The following CNTN4 variants were observed in gnomAD, a reference collection of about 807,000 sequenced individuals.
CNTN4 encodes the protein contactin 4.
A neutral mutation model predicts 122.5 loss-of-function variants in CNTN4; 77 were observed. The observed-to-expected ratio is 0.63, with a 90% CI of 0.52 to 0.76. The LOEUF (loss-of-function observed/expected upper bound fraction) is 0.76. Among genes scored for constraint, CNTN4 ranks in the 30% least tolerant of loss-of-function variants. The probability of loss-of-function intolerance (pLI) is 0.00; values close to 1 mark genes in which losing one functional copy is unlikely to be tolerated. For synonymous variants in CNTN4, 512 were observed against 447.0 expected (o/e 1.15, Z -1.83); for missense variants, 1,256 against 1,259.1 (o/e 1.00, Z 0.04).
intron 3 of CNTN4, among the ~76,000 whole-genome samples, chr3:2,364,709 CA>C (rs2045304329): frequency 6.6e-6 from 1 of 152,072 alleles, no homozygotes; most frequent in South Asian, 2.1e-4. Flanking sequence ...AAAATTATAT[CA>C]AATGTGGCCC....
intron 3 of CNTN4, among the ~76,000 whole-genome samples, chr3:2,541,348 G>A (rs937559541): frequency 4.0e-5 from 6 of 151,486 alleles, no homozygotes; most frequent in African/African-American, 1.5e-4. Flanking sequence ...AGTCGTTTAT[G>A]TATTCAATAC....
chr3:2,741,628 T>G (rs2089461932), intron 5 of CNTN4, among the ~76,000 whole-genome samples: 1 of 152,204 alleles, frequency 6.6e-6, no homozygotes, highest in South Asian at 2.1e-4. Context: ...TTTAAATACT[T>G]TGTGTAGTAA....
At chr3:2,156,195 G>C (rs79156400) in intron 2 of CNTN4, among the ~76,000 whole-genome samples, 46 of 152,252 alleles carry the variant, frequency 3.0e-4, no homozygotes, top group Admixed American at 1.5e-3. Context: ...TGCCAGAGCC[G>C]TTCCTGCCTC....
chr3:2,503,797 A>G (rs930621645), intron 3 of CNTN4, among the ~76,000 whole-genome samples: 1 of 152,096 alleles, frequency 6.6e-6, no homozygotes, highest in African/African-American at 2.4e-5. Flanking sequence ...GGCAAACATA[A>G]TCCTGGGTGG....
At chr3:2,436,282 A>C (rs1401138453) in intron 3 of CNTN4, among the ~76,000 whole-genome samples, 1 of 152,144 alleles carries the variant, frequency 6.6e-6, no homozygotes, top group Non-Finnish European at 1.5e-5. Context: ...CAAGATGTAC[A>C]AAGGAAGATA....
intron 3 of CNTN4, among the ~76,000 whole-genome samples, chr3:2,388,100 T>C (rs1299641924): frequency 6.6e-6 from 1 of 152,194 alleles, no homozygotes; most frequent in Non-Finnish European, 1.5e-5. Context: ...TTAAAAAATT[T>C]ATGTTTTGGC....
intron 2 of CNTN4, among the ~76,000 whole-genome samples, chr3:2,110,039 A>G (rs1329241343): frequency 6.6e-6 from 1 of 152,258 alleles, no homozygotes; most frequent in African/African-American, 2.4e-5. Flanking sequence ...TTAAAAATGG[A>G]TATCCCTGTA....
At chr3:2,386,639 A>C (rs2046267523) in intron 3 of CNTN4, among the ~76,000 whole-genome samples, 1 of 152,208 alleles carries the variant, frequency 6.6e-6, no homozygotes, top group African/African-American at 2.4e-5. Context: ...GTACATGAAA[A>C]TTGCAAAGCA....
intron 2 of CNTN4, among the ~76,000 whole-genome samples, chr3:2,210,598 G>A (rs549636093): frequency 2.0e-5 from 3 of 152,224 alleles, no homozygotes; most frequent in East Asian, 1.9e-4. Flanking sequence ...TTAGCCTTGG[G>A]TTCCTAAAAA....
At chr3:2,663,284 G>A (rs2083993712) in intron 4 of CNTN4, among the ~76,000 whole-genome samples, 1 of 152,138 alleles carries the variant, frequency 6.6e-6, no homozygotes, top group South Asian at 2.1e-4. Context: ...AATAGATAAT[G>A]AGCTAACAAG....
intron 2 of CNTN4, among the ~76,000 whole-genome samples, chr3:2,168,788 G>T (rs2036314580): frequency 6.6e-6 from 1 of 152,114 alleles, no homozygotes; most frequent in African/African-American, 2.4e-5. Context: ...AATCAGTAGT[G>T]CTTGTTATGG....
chr3:2,602,418 C>A (rs1220348764), intron 4 of CNTN4, among the ~76,000 whole-genome samples: 1 of 152,130 alleles, frequency 6.6e-6, no homozygotes, highest in African/African-American at 2.4e-5. Context: ...CATGAATGTG[C>A]AAAAATCACA....
intron 4 of CNTN4, among the ~76,000 whole-genome samples, chr3:2,625,013 T>C (rs2082129681): frequency 6.6e-6 from 1 of 152,218 alleles, no homozygotes; most frequent in South Asian, 2.1e-4. Context: ...AGCCTCAGTT[T>C]ACTCATAATG....
intron 2 of CNTN4, among the ~76,000 whole-genome samples, chr3:2,208,117 T>A (rs2038446153): frequency 6.6e-6 from 1 of 152,170 alleles, no homozygotes; most frequent in Admixed American, 6.6e-5. Flanking sequence ...ATATACTTCA[T>A]AAGGCTATCA....
At chr3:2,544,949 G>A (rs559155684) in intron 3 of CNTN4, among the ~76,000 whole-genome samples, 34 of 151,890 alleles carry the variant, frequency 2.2e-4, no homozygotes, top group African/African-American at 7.7e-4. Context: ...TCTATTTCCA[G>A]TGGTTGTGAT....
intron 14 of CNTN4, among the ~76,000 whole-genome samples, chr3:2,996,734 A>C (rs1201959578): frequency 4.6e-5 from 7 of 151,926 alleles, no homozygotes; most frequent in African/African-American, 1.7e-4. Flanking sequence ...TGCATTGAAA[A>C]CCTCACATGT....
At chr3:2,883,293 C>G (rs2093933337) in intron 9 of CNTN4, 46 bp downstream of exon 9, 2 of 1,423,278 alleles carry the variant, frequency 1.4e-6, no homozygotes. Flanking sequence ...TCAGCTTGAG[C>G]AGGTATAGAG....
chr3:3,006,777 C>T (rs934003140), intron 14 of CNTN4, among the ~76,000 whole-genome samples: 1 of 152,168 alleles, frequency 6.6e-6, no homozygotes, highest in Admixed American at 6.5e-5. Context: ...TACCATGGAA[C>T]AATTAATCTC....
chr3:2,200,078 A>C (rs1007741971), intron 2 of CNTN4, among the ~76,000 whole-genome samples: 1 of 152,158 alleles, frequency 6.6e-6, no homozygotes, highest in Non-Finnish European at 1.5e-5. Flanking sequence ...TATTTTAAAA[A>C]CATTACCCCT....
Sources: allele counts gnomAD v4.1 joint callset (sites outside exome capture counted in the v4.1 genomes callset), GRCh38; gene constraint gnomAD v4.1.1; transcripts MANE v1.5; gene names NCBI Gene and HGNC (gene_info 2026-07-23, HGNC 2026-07-21).